Variants in SCG3 observed in about 807,000 individuals in gnomAD.
SCG3 encodes the protein secretogranin III, also known as secretogranin-3.
In SCG3, 38 loss-of-function variants were observed where a neutral mutation model predicts 56.2. The ratio of observed to expected loss-of-function variants is 0.68; its 90% CI spans 0.52 to 0.89. The LOEUF is 0.89. SCG3 is among the 40% of genes least tolerant of loss of function. The pLI is 0.00. For synonymous variants in SCG3, 176 were observed against 184.2 expected (o/e 0.96, Z 0.36); for missense variants, 524 against 540.7 (o/e 0.97, Z 0.31).
chr15:51,716,609 G>A (rs1479855092), intron 11 of SCG3, among the ~76,000 whole-genome samples: 1 of 152,062 alleles, frequency 6.6e-6, no homozygotes, highest in Non-Finnish European at 1.5e-5. Flanking sequence ...CATGAGTGTG[G>A]AAAAAGCAAC....
chr15:51,704,764 C>CATATATATATATATATATATATATATAT lies in SCG3; in HGVS notation c.1207+3524_1207+3551dup, dbSNP rs56192434. Among the ~76,000 whole-genome samples, 76 of 67,004 alleles carry CATATATATATATATATATATATATATAT rather than the reference C, an allele frequency of 1.1e-3. 4 individuals carry two copies. The highest frequency in any genetic ancestry group is 1.6e-3 in the Non-Finnish European group (47 of 28,542). The allele number at this position is 67,004 out of a possible 152,430, so 44.0% of individuals were successfully genotyped here. ...TACCTTTTGGCTGTTGTGAGTAATA[C>CATATATATATATATATATATATATATAT]ATATATATATATATATATATATATA... is the stretch of plus-strand genomic sequence containing the variant. On this transcript the variant is annotated intron_variant, in intron 10 of 11. Transcript: ENST00000220478.
At position 51,692,164 on chromosome 15, in the gene SCG3, A is replaced by T. The variant is rs1011210452; in HGVS notation, c.696A>T (p.Pro232=). 1.5e-5 allele frequency: 24 copies of T among 1,607,338 alleles called. No homozygotes were observed. The highest frequency in any genetic ancestry group is 1.8e-5 in the Non-Finnish European group (21 of 1,177,266). ...QAGKIPEKVT[P]MAAIQDGLAK... ...TTGATTTTTCCCCACTGGAGACTCC[A>T]ATGGCAGCAATTCAAGATGGTCTTG... The change falls in exon 7 of 12, where the codon CCA becomes CCT. Residue 232 remains proline, a synonymous_variant. Coordinates refer to ENST00000220478, the MANE Select transcript of SCG3 (RefSeq NM_013243.4).
rs1310138705 is a variant in SCG3, at chr15:51,694,850, G to A, written c.869-1025G>A. On this transcript the variant is annotated intron_variant, in intron 7 of 11. Transcript: ENST00000220478. The stretch of plus-strand genomic sequence containing the variant: ...GATCGAGACCATCCTGGCCAACATG[G>A]TGAAACCCAGTCTCTACTAAAAATA... Among the ~76,000 whole-genome samples the A allele has an allele frequency of 2.0e-5, 3 of 152,234 alleles. No individual in the cohort carries two copies. In the South Asian group the frequency reaches 6.2e-4, roughly 32 times the overall value.
intron 10 of SCG3, chr15:51,707,845 A>T (rs1291753983): frequency 1.3e-5 from 2 of 152,226 alleles, no homozygotes; most frequent in Admixed American, 1.3e-4. Flanking sequence ...GCAATCATGT[A>T]ATCTTGACAT....
At chr15:51,685,324 C>T (rs547928847) in intron 4 of SCG3, among the ~76,000 whole-genome samples, 1 of 152,282 alleles carries the variant, frequency 6.6e-6, no homozygotes, top group South Asian at 2.1e-4. Context: ...ATAAAATAGC[C>T]TAATATTGAG....
At position 51,699,401 on chromosome 15, in the gene SCG3, A is replaced by G; in HGVS notation, c.1068A>G (p.Pro356=). The change falls in exon 9 of 12, where the codon CCA becomes CCG. Residue 356 remains proline (P), a splice_region_variant and synonymous_variant. Transcript: ENST00000220478. The part of the protein sequence containing the change: ...NATDNISKLF[P]APSEKSHEET... ...CTGACAATATAAGCAAGCTTTTCCC[A>G]GGTATGATTATTTAACTATTTTTTT... 6.3e-7 allele frequency: 1 copy of G among 1,587,088 alleles called. No individual in the cohort carries two copies. The highest frequency in any genetic ancestry group is 8.6e-7 in the Non-Finnish European group (1 of 1,163,014).
intron 10 of SCG3, chr15:51,707,879 T>C (rs1346148622): frequency 6.6e-6 from 1 of 152,246 alleles, no homozygotes; most frequent in African/African-American, 2.4e-5. Context: ...ATATCAAACT[T>C]AGTTTTTATA....
At chr15:51,709,529 TTG>T (rs1262499226) in intron 10 of SCG3, among the ~76,000 whole-genome samples, 1 of 151,216 alleles carries the variant, frequency 6.6e-6, no homozygotes, top group Non-Finnish European at 1.5e-5. Context: ...TCTATCACAT[TTG>T]TGTTTTAAAT....
chr15:51,714,671 T>G (rs1055726949), intron 11 of SCG3, among the ~76,000 whole-genome samples: 1 of 152,226 alleles, frequency 6.6e-6, no homozygotes. Context: ...CATCAGTATT[T>G]TTTCAACTCC....
chr15:51,708,682 C>G lies in SCG3; in HGVS notation c.1208-4651C>G, dbSNP rs554910716. ...CATCCTGGCTAACATGGTGAAACCC[C>G]GTCGCTACTAAAAAATACAAAAAAA... On this transcript the variant is annotated intron_variant, in intron 10 of 11. Coordinates refer to ENST00000220478, the MANE Select transcript of SCG3 (RefSeq NM_013243.4). 5.9e-5 allele frequency among the ~76,000 whole-genome samples: 9 copies of G among 152,170 alleles called. No homozygotes were observed. The South Asian group carries it at 1.9e-3, about 32-fold the overall frequency.
chr15:51,699,652 A>C (rs191641273), intron 9 of SCG3, among the ~76,000 whole-genome samples: 1 of 152,272 alleles, frequency 6.6e-6, no homozygotes, highest in Admixed American at 6.5e-5. Context: ...GTGGCTAGGA[A>C]TCTTAGGTGG....
chr15:51,700,317 T>TA (rs921355463), intron 9 of SCG3, among the ~76,000 whole-genome samples: 8 of 152,256 alleles, frequency 5.3e-5, no homozygotes, highest in Middle Eastern at 3.4e-3. Flanking sequence ...TTTTCTACAA[T>TA]AAAAAAACAC....
At chr15:51,707,021 G>A (rs750298561) in intron 10 of SCG3, among the ~76,000 whole-genome samples, 1 of 152,138 alleles carries the variant, frequency 6.6e-6, no homozygotes, top group Non-Finnish European at 1.5e-5. Flanking sequence ...ATTGCTCTCT[G>A]AAAACTACTT....
At chr15:51,713,851 C>T (rs1050543575) in intron 11 of SCG3, among the ~76,000 whole-genome samples, 1 of 152,176 alleles carries the variant, frequency 6.6e-6, no homozygotes, top group Non-Finnish European at 1.5e-5. Context: ...AACACAGAAC[C>T]AGGCCCTGTT....
chr15:51,685,741 T>C (rs2055224760), intron 4 of SCG3, among the ~76,000 whole-genome samples: 1 of 152,230 alleles, frequency 6.6e-6, no homozygotes, highest in African/African-American at 2.4e-5. Flanking sequence ...TTTAGGAAGC[T>C]TCCAAACAGG....
At chr15:51,696,669 T>C (rs1195629980) in intron 8 of SCG3, among the ~76,000 whole-genome samples, 2 of 152,194 alleles carry the variant, frequency 1.3e-5, no homozygotes, top group African/African-American at 2.4e-5. Context: ...AAGCAACTAC[T>C]TGTGGCAGAA....
At chr15:51,703,591 G>A (rs1267579489) in intron 10 of SCG3, among the ~76,000 whole-genome samples, 1 of 152,112 alleles carries the variant, frequency 6.6e-6, no homozygotes, top group Admixed American at 6.5e-5. Flanking sequence ...TACCCACTCT[G>A]AATTTTCCTT....
chr15:51,693,349 A>G (rs2055280750), intron 7 of SCG3: 1 of 152,222 alleles, frequency 6.6e-6, no homozygotes, highest in South Asian at 2.1e-4. Flanking sequence ...GCCTTTATGA[A>G]CATTTTAACT....
At chr15:51,709,577 T>C (rs867118682) in intron 10 of SCG3, among the ~76,000 whole-genome samples, 2 of 146,926 alleles carry the variant, frequency 1.4e-5, no homozygotes. Context: ...ATAGCTATCA[T>C]TTAGGTTTAG....
Sources: allele counts gnomAD v4.1 joint callset (sites outside exome capture counted in the v4.1 genomes callset), GRCh38; gene constraint gnomAD v4.1.1; transcripts MANE v1.5; gene names NCBI Gene and HGNC (gene_info 2026-07-23, HGNC 2026-07-21).